YME1L1: variants seen among roughly 807,000 people sequenced by gnomAD.
YME1L1 encodes YME1 like 1 ATPase, also known as ATP-dependent zinc metalloprotease YME1L1.
Under a neutral mutation model 90.4 loss-of-function variants are expected in YME1L1, and 39 were observed. The ratio of observed to expected loss-of-function variants is 0.43; its 90% CI spans 0.33 to 0.56. The LOEUF (loss-of-function observed/expected upper bound fraction) is 0.56, where lower values mean the gene tolerates loss of function less well. Among genes scored for constraint, YME1L1 ranks in the 20% least tolerant of loss-of-function variants. The pLI, the probability that YME1L1 is intolerant of heterozygous loss-of-function variation, is 0.03. For missense variants in YME1L1, 617 were observed against 868.4 expected (o/e 0.71, Z 3.64); for synonymous variants, 284 against 287.3 (o/e 0.99, Z 0.12).
At chr10:27,114,143 G>C (rs1005516196) in intron 18 of YME1L1, among the ~76,000 whole-genome samples, 25 of 152,058 alleles carry the variant, frequency 1.6e-4, no homozygotes, top group African/African-American at 6.0e-4. Context: ...TGGATGAATT[G>C]TATAGTGGTA....
At chr10:27,126,162 G>A (rs2056917372) in intron 9 of YME1L1, among the ~76,000 whole-genome samples, 1 of 152,072 alleles carries the variant, frequency 6.6e-6, no homozygotes, top group Admixed American at 6.6e-5. Context: ...ATGGAGTTAG[G>A]TTGAGTGCGC....
At chr10:27,152,915 C>A (rs563842278) in intron 1 of YME1L1, among the ~76,000 whole-genome samples, 17 of 152,196 alleles carry the variant, frequency 1.1e-4, no homozygotes, top group Non-Finnish European at 1.9e-4. Flanking sequence ...AAAATCTAAT[C>A]ATGTTTTAAA....
intron 2 of YME1L1, 48 bp from the exon 3 acceptor site, chr10:27,145,638 T>C: frequency 6.6e-7 from 1 of 1,508,724 alleles, no homozygotes; most frequent in Non-Finnish European, 9.1e-7. Context: ...TATCAAGATA[T>C]TTAACCTAAG....
chr10:27,148,821 G>A (rs2057174461), intron 2 of YME1L1, 85 bp downstream of exon 2: 3 of 1,546,526 alleles, frequency 1.9e-6, no homozygotes, highest in Non-Finnish European at 2.6e-6. Context: ...CTACGGGGGA[G>A]GGACAATATC....
intron 10 of YME1L1, 149 bp downstream of exon 10, chr10:27,123,398 C>A: frequency 1.2e-6 from 1 of 853,426 alleles, no homozygotes; most frequent in Non-Finnish European, 1.8e-6. Context: ...TTTTAACTAT[C>A]AATCAAAACT....
At chr10:27,123,851 C>T in intron 9 of YME1L1, 152 bp from the exon 10 acceptor site, 1 of 728,374 alleles carries the variant, frequency 1.4e-6, no homozygotes, top group Non-Finnish European at 2.1e-6. Flanking sequence ...CCGTACTTGT[C>T]TCTGCTAATG....
At chr10:27,126,600 A>G in intron 9 of YME1L1, 96 bp downstream of exon 9, 1 of 623,822 alleles carries the variant, frequency 1.6e-6, no homozygotes, top group Non-Finnish European at 2.7e-6. Flanking sequence ...CTTAAACTTT[A>G]ATCAGTTAAA....
chr10:27,153,144 T>C (rs2057247293), intron 1 of YME1L1: 5 of 468,654 alleles, frequency 1.1e-5, no homozygotes, highest in Non-Finnish European at 2.2e-5. Flanking sequence ...CTGTGATACC[T>C]GTTCACTCTT....
intron 9 of YME1L1, among the ~76,000 whole-genome samples, chr10:27,123,909 A>G (rs1202533197): frequency 1.3e-5 from 2 of 152,176 alleles, no homozygotes; most frequent in Non-Finnish European, 2.9e-5. Context: ...TATTATATAA[A>G]TATTGTTTCC....
intron 18 of YME1L1, among the ~76,000 whole-genome samples, chr10:27,113,219 C>CAAAAAAAAAAAA (rs869122796): frequency 1.2e-4 from 5 of 43,104 alleles, no homozygotes; most frequent in Admixed American, 4.6e-4. Flanking sequence ...GATGCTGTCT[C>CAAAAAAAAAAAA]AAAAAAAAAA....
At chr10:27,112,218 T>C in intron 18 of YME1L1, 98 bp from the exon 19 acceptor site, 1 of 1,051,120 alleles carries the variant, frequency 9.5e-7, no homozygotes, top group South Asian at 1.6e-5. Flanking sequence ...CCCTAAAAAA[T>C]ATGAAATCTG....
intron 2 of YME1L1, chr10:27,147,340 A>T: frequency 2.2e-6 from 3 of 1,370,216 alleles, no homozygotes; most frequent in South Asian, 1.3e-5. Flanking sequence ...CAAAAAATTT[A>T]AAAATGATAA....
At chr10:27,147,799 C>A (rs1028195319) in intron 2 of YME1L1, 16 of 1,290,442 alleles carry the variant, frequency 1.2e-5, no homozygotes, top group South Asian at 1.5e-5. Context: ...TGGCTCCTGG[C>A]GTGCACAATG....
chr10:27,118,222 C>A (rs543332015), intron 14 of YME1L1, among the ~76,000 whole-genome samples: 1 of 152,290 alleles, frequency 6.6e-6, no homozygotes, highest in Non-Finnish European at 1.5e-5. Flanking sequence ...GCAATCCACC[C>A]ACCTCAGCTT....
At chr10:27,141,440 CA>C (rs2057085742) in intron 4 of YME1L1, among the ~76,000 whole-genome samples, 2 of 152,112 alleles carry the variant, frequency 1.3e-5, no homozygotes, top group Non-Finnish European at 2.9e-5. Context: ...TCAACACTAG[CA>C]AAAGTAAATA....
chr10:27,123,930 G>A (rs1440309464), intron 9 of YME1L1, among the ~76,000 whole-genome samples: 3 of 151,868 alleles, frequency 2.0e-5, no homozygotes, highest in Non-Finnish European at 2.9e-5. Context: ...ATATCAACAA[G>A]AGACATGACA....
chr10:27,125,897 G>C (rs923426349), intron 9 of YME1L1, among the ~76,000 whole-genome samples: 2 of 151,854 alleles, frequency 1.3e-5, no homozygotes, highest in African/African-American at 4.8e-5. Context: ...GACTGGTCTC[G>C]AACTCCTGAT....
intron 5 of YME1L1, among the ~76,000 whole-genome samples, chr10:27,135,423 T>A (rs898343538): frequency 5.3e-5 from 8 of 152,250 alleles, no homozygotes; most frequent in Non-Finnish European, 8.8e-5. Context: ...GAAAAAGATA[T>A]ATAAATAACT....
intron 3 of YME1L1, among the ~76,000 whole-genome samples, chr10:27,142,876 C>T (rs11015568): frequency 0.18 from 27,938 of 151,858 alleles, 3,297 homozygotes; most frequent in Middle Eastern, 0.3. Context: ...CCACCATGCC[C>T]GGCTAATTTT....
Sources: gnomAD v4.1 joint callset for allele counts (sites outside exome capture counted in the v4.1 genomes callset) on GRCh38, gnomAD v4.1.1 for gene constraint, MANE v1.5 for transcripts, NCBI Gene and HGNC (gene_info 2026-07-23, HGNC 2026-07-21) for gene names.